Variants in NRXN3 observed in about 807,000 individuals in gnomAD.
The protein encoded by NRXN3 is neurexin 3.
NRXN3 carries 32 observed loss-of-function variants against 137.6 expected under a neutral mutation model. The observed-to-expected ratio is 0.23, with a 90% CI of 0.18 to 0.31. The LOEUF (loss-of-function observed/expected upper bound fraction) is 0.31. Ranked by LOEUF, NRXN3 falls within the 10% of genes least tolerant of loss-of-function variation. The pLI, the probability that NRXN3 is intolerant of heterozygous loss-of-function variation, is 1.00. For missense variants in NRXN3, 1,574 were observed against 2,062.5 expected (o/e 0.76, Z 4.59); for synonymous variants, 798 against 784.5 (o/e 1.02, Z -0.29).
intron 15 of NRXN3, among the ~76,000 whole-genome samples, chr14:79,042,152 GAA>G (rs2099626098): frequency 6.6e-6 from 1 of 152,124 alleles, no homozygotes; most frequent in African/African-American, 2.4e-5. Context: ...GCTGCTCTTT[GAA>G]AGACAAGCAA....
intron 15 of NRXN3, among the ~76,000 whole-genome samples, chr14:79,023,222 A>G (rs1220684656): frequency 2.0e-5 from 3 of 150,448 alleles, no homozygotes; most frequent in Non-Finnish European, 4.4e-5. Flanking sequence ...GATTTTTAGT[A>G]TCTTTGGGGG....
intron 16 of NRXN3, among the ~76,000 whole-genome samples, chr14:79,480,977 T>C (rs1264920621): frequency 6.6e-6 from 1 of 152,104 alleles, no homozygotes; most frequent in Admixed American, 6.6e-5. Context: ...CACTCTCAGG[T>C]ATTTCTTTAT....
chr14:79,670,839 T>A (rs977246777), intron 17 of NRXN3, among the ~76,000 whole-genome samples: 2 of 152,146 alleles, frequency 1.3e-5, no homozygotes, highest in African/African-American at 4.8e-5. Flanking sequence ...TTTAGGACCA[T>A]TTTTTATCTT....
intron 4 of NRXN3, among the ~76,000 whole-genome samples, chr14:78,378,207 G>A (rs536854686): frequency 5.9e-5 from 9 of 152,222 alleles, no homozygotes; most frequent in Admixed American, 4.6e-4. Flanking sequence ...ATAATAGGCC[G>A]GGAACGGTGG....
At chr14:79,176,731 C>T (rs1189738290) in intron 15 of NRXN3, among the ~76,000 whole-genome samples, 3 of 152,198 alleles carry the variant, frequency 2.0e-5, no homozygotes, top group African/African-American at 7.2e-5. Flanking sequence ...CTCATAATAT[C>T]ATTTTTAACT....
intron 16 of NRXN3, among the ~76,000 whole-genome samples, chr14:79,612,464 G>GACAGCCA (rs2098114857): frequency 6.6e-6 from 1 of 152,180 alleles, no homozygotes; most frequent in Non-Finnish European, 1.5e-5. Context: ...GCCAAAGGGT[G>GACAGCCA]GCAAACTGAT....
chr14:79,593,846 C>A (rs2097835371), intron 16 of NRXN3, among the ~76,000 whole-genome samples: 1 of 152,120 alleles, frequency 6.6e-6, no homozygotes, highest in African/African-American at 2.4e-5. Flanking sequence ...AATATGACTA[C>A]CTCAGTCACT....
intron 7 of NRXN3, among the ~76,000 whole-genome samples, chr14:78,712,284 T>C (rs1371994698): frequency 6.6e-6 from 1 of 152,142 alleles, no homozygotes; most frequent in African/African-American, 2.4e-5. Flanking sequence ...ACTTCCTCCT[T>C]TGTAAGATAG....
chr14:78,570,318 C>G (rs1205386051), intron 4 of NRXN3, among the ~76,000 whole-genome samples: 1 of 151,932 alleles, frequency 6.6e-6, no homozygotes, highest in Non-Finnish European at 1.5e-5. Flanking sequence ...TCACCAGAAG[C>G]TGACCATGCT....
intron 15 of NRXN3, among the ~76,000 whole-genome samples, chr14:79,462,355 A>G (rs540062819): frequency 6.6e-6 from 1 of 152,022 alleles, no homozygotes; most frequent in African/African-American, 2.4e-5. Context: ...CCTGGGTGAC[A>G]AGAGCAAAAC....
intron 1 of NRXN3, among the ~76,000 whole-genome samples, chr14:78,208,472 C>T (rs2062423149): frequency 1.3e-5 from 2 of 152,184 alleles, no homozygotes; most frequent in Admixed American, 6.5e-5. Context: ...CCCTTATAAT[C>T]CTTCAAATCA....
intron 16 of NRXN3, among the ~76,000 whole-genome samples, chr14:79,599,488 A>C (rs899629956): frequency 4.0e-5 from 6 of 151,612 alleles, no homozygotes; most frequent in Non-Finnish European, 5.9e-5. Context: ...GTTACACCCC[A>C]ACCTAAAACA....
At chr14:79,212,520 C>T (rs1307721744) in intron 15 of NRXN3, among the ~76,000 whole-genome samples, 2 of 152,284 alleles carry the variant, frequency 1.3e-5, no homozygotes, top group African/African-American at 4.8e-5. Flanking sequence ...CTTTTCTTCC[C>T]TGTTCCCATC....
chr14:79,370,062 A>G (rs1467661539), intron 15 of NRXN3, among the ~76,000 whole-genome samples: 1 of 152,194 alleles, frequency 6.6e-6, no homozygotes, highest in Non-Finnish European at 1.5e-5. Flanking sequence ...ATCAGACAGA[A>G]AAGACAAACA....
intron 15 of NRXN3, among the ~76,000 whole-genome samples, chr14:79,184,061 C>G (rs2063243090): frequency 6.6e-6 from 1 of 152,138 alleles, no homozygotes; most frequent in Admixed American, 6.5e-5. Context: ...GCTCTAACAA[C>G]CTACCCTCCA....
intron 15 of NRXN3, among the ~76,000 whole-genome samples, chr14:79,383,697 C>T (rs1369683803): frequency 6.6e-6 from 1 of 152,142 alleles, no homozygotes; most frequent in Non-Finnish European, 1.5e-5. Flanking sequence ...TAACTGTTCA[C>T]CCCTTAGCTA....
intron 15 of NRXN3, among the ~76,000 whole-genome samples, chr14:79,415,352 TGTC>T (rs1482208892): frequency 6.6e-6 from 1 of 152,204 alleles, no homozygotes; most frequent in Non-Finnish European, 1.5e-5. Context: ...GTTTTTTTCT[TGTC>T]ATTATTCCCT....
intron 19 of NRXN3, among the ~76,000 whole-genome samples, chr14:79,726,137 AT>A (rs969644928): frequency 3.9e-5 from 6 of 151,992 alleles, no homozygotes; most frequent in African/African-American, 7.2e-5. Flanking sequence ...ACTTAGGCTA[AT>A]TTTTTTTGTT....
intron 15 of NRXN3, among the ~76,000 whole-genome samples, chr14:79,153,429 G>T (rs2153039615): frequency 6.6e-6 from 1 of 152,022 alleles, no homozygotes; most frequent in African/African-American, 2.4e-5. Flanking sequence ...GAGAGAGAAA[G>T]AAACTCCTAG....
Sources: gnomAD v4.1 joint callset for allele counts (sites outside exome capture counted in the v4.1 genomes callset) on GRCh38, gnomAD v4.1.1 for gene constraint, MANE v1.5 for transcripts, NCBI Gene and HGNC (gene_info 2026-07-23, HGNC 2026-07-21) for gene names.